MYT1: variants seen among roughly 807,000 people sequenced by gnomAD.
MYT1 encodes myelin transcription factor I.
Under a neutral mutation model 123.0 loss-of-function variants are expected in MYT1, and 23 were observed. That is an observed-to-expected ratio of 0.19 (90% confidence interval 0.13 to 0.26). The LOEUF is 0.26. Among genes scored for constraint, MYT1 ranks in the 10% least tolerant of loss-of-function variants. The pLI is 1.00. For missense variants in MYT1, 1,125 were observed against 1,472.5 expected, an observed-to-expected ratio of 0.76 and a Z score of 3.86; for synonymous variants, 518 against 575.3, an observed-to-expected ratio of 0.90 and a Z score of 1.43.
At chr20:64,209,206 G>A (rs1271098101) in intron 7 of MYT1, among the ~76,000 whole-genome samples, 3 of 152,106 alleles carry the variant, frequency 2.0e-5, no homozygotes, top group Non-Finnish European at 4.4e-5. Flanking sequence ...TGAGTAAACG[G>A]TTACGGCCTT....
rs568576971 is a variant in MYT1 at position 64,178,000 on chromosome 20, A to G, written c.-98-12063A>G. Among the ~76,000 whole-genome samples, 3 of 152,162 alleles carry G rather than the reference A, an allele frequency of 2.0e-5. No individual in the cohort carries two copies. In the East Asian group the frequency reaches 5.8e-4, roughly 30 times the overall value. On this transcript the variant is annotated intron_variant, in intron 1 of 22. Coordinates refer to ENST00000328439, the MANE Select transcript of MYT1 (RefSeq NM_004535.3). Reference sequence around the variant, plus strand: ...GGAAGCAGACTTGGCTGAGCACATCATGGACTTCAGGGTCTTCCAGGAGCA... The same window carrying G: ...GGAAGCAGACTTGGCTGAGCACATCGTGGACTTCAGGGTCTTCCAGGAGCA...
At position 64,196,837 on chromosome 20, in the gene MYT1, C is replaced by A. The variant is rs572983028; in HGVS notation, c.1-2025C>A. On this transcript the variant is annotated intron_variant, in intron 2 of 22. Coordinates refer to ENST00000328439, the MANE Select transcript of MYT1 (RefSeq NM_004535.3). The surrounding 1 kb of genome is among the most constrained non-coding windows in gnomAD (Gnocchi z 4.3). The stretch of plus-strand genomic sequence containing the variant: ...GCAGGAAATCCAAATTGCCAAGGCA[C>A]GCTTTAACCTAGCAGAATGCTTGCC... Among the ~76,000 whole-genome samples the A allele has an allele frequency of 6.6e-6, 1 of 152,208 alleles. No homozygotes were observed. The highest frequency in any genetic ancestry group is 2.4e-5 in the African/African-American group (1 of 41,446).
Position 64,205,630 on chromosome 20 carries a change from C to T in MYT1, c.227C>T (p.Ser76Leu), listed in dbSNP as rs746831729. 6.2e-7 allele frequency: 1 copy of T among 1,614,196 alleles called. No individual in the cohort carries two copies. The highest frequency in any genetic ancestry group is 8.5e-7 in the Non-Finnish European group (1 of 1,180,036). The stretch of plus-strand genomic sequence containing the variant: ...GAGCACCTGGTGTCCAAGAGGAAGT[C>T]ACACCCCCTGAAGCTGGCTCTGGAC... ...EAEHLVSKRKSHPLKLALDEG... is the reference protein window; with the variant it reads ...EAEHLVSKRKLHPLKLALDEG... Residue 76 changes from serine (S) to leucine (L), a missense_variant, in exon 6 of 23, where the codon TCA becomes TTA. Coordinates refer to ENST00000328439, the MANE Select transcript of MYT1 (RefSeq NM_004535.3).
rs141023903 is a variant in MYT1 at position 64,208,061 on chromosome 20, G to A, written c.865G>A (p.Glu289Lys). The change falls in exon 7 of 23, where the codon GAG becomes AAG. Residue 289 changes from glutamate (E) to lysine (K), a missense_variant. Around this residue, in one of 4 missense-constraint regions of MYT1, gnomAD observed 406 missense variants for 432.2 expected, o/e 0.94. Coordinates refer to ENST00000328439, the MANE Select transcript of MYT1 (RefSeq NM_004535.3). The surrounding 1 kb of genome is among the most constrained non-coding windows in gnomAD (Gnocchi z 5.4). ...EEEEEEEEEE[E>K]EEEEEEEEEE... ...AGAGGAGGAGGAAGAGGAAGAGGAG[G>A]AGGAGGAAGAGGAAGAGGAGGAGGA... 4.6e-3 allele frequency: 7,316 copies of A among 1,605,052 alleles called. 33 individuals carry two copies. The highest frequency in any genetic ancestry group is 5.5e-3 in the Non-Finnish European group (6,499 of 1,176,522).
chr20:64,165,572 A>T (rs1982056699), intron 1 of MYT1, among the ~76,000 whole-genome samples: 1 of 152,068 alleles, frequency 6.6e-6, no homozygotes, highest in South Asian at 2.1e-4. Flanking sequence ...TTTGTGTTGG[A>T]GTGGTGGGTT....
Position 64,218,975 on chromosome 20 carries a change from C to T in MYT1, c.1911C>T (p.Ser637=), listed in dbSNP as rs202176080. ...HMAATAILNL[S]TRCWEMPENL... is the part of the protein sequence containing the mutation. ...CTGCCACTGCCATCCTGAACCTCTC[C>T]ACGCGCTGCTGGGAGATGCCTGAGA... Residue 637 remains serine (S), a synonymous_variant, in exon 12 of 23, where the codon TCC becomes TCT. Transcript: ENST00000328439. This position sits in a 1 kb window ranked among gnomAD's most constrained non-coding sequence, Gnocchi z 4.0. 512 of 1,613,758 alleles carry T rather than the reference C, an allele frequency of 3.2e-4. 2 individuals are homozygous for T. The highest frequency in any genetic ancestry group is 1.6e-4 in the Middle Eastern group (1 of 6,082).
chr20:64,232,422 C>T lies in MYT1; in HGVS notation c.2897+37C>T. 1 of 1,594,754 alleles carries T rather than the reference C, an allele frequency of 6.3e-7. No individual in the cohort carries two copies. On this transcript the variant is annotated intron_variant, in intron 19 of 22. Coordinates refer to ENST00000328439, the MANE Select transcript of MYT1 (RefSeq NM_004535.3). This position sits in a 1 kb window ranked among gnomAD's most constrained non-coding sequence, Gnocchi z 6.9. ...TGCAGGTCCTGCCCCTCTGTGCAGT[C>T]AGTAGGGACCCTCGCCTGGGGCCTG...
At chr20:64,184,977 G>T (rs1982756806) in intron 1 of MYT1, among the ~76,000 whole-genome samples, 1 of 152,234 alleles carries the variant, frequency 6.6e-6, no homozygotes, top group African/African-American at 2.4e-5. Flanking sequence ...GTGATGTCTA[G>T]TGGGCCCTCA....
intron 17 of MYT1, 45 bp downstream of exon 17, chr20:64,227,522 G>A (rs774892815): frequency 6.4e-7 from 1 of 1,561,930 alleles, no homozygotes; most frequent in Non-Finnish European, 8.8e-7. Context: ...GGGGTGGGCA[G>A]GGAGTCTCTT....
chr20:64,223,060 G>C (rs1984057408), intron 14 of MYT1, 51 bp from the exon 15 acceptor site: 2 of 1,606,296 alleles, frequency 1.2e-6, no homozygotes, highest in Non-Finnish European at 1.7e-6. Context: ...CTCAGCCTGG[G>C]GGGCAGGTAC....
chr20:64,232,427 G>GGGA lies in MYT1; in HGVS notation c.2897+43_2897+45dup, dbSNP rs1316705835. 6.3e-7 allele frequency: 1 copy of GGGA among 1,593,988 alleles called. No individual in the cohort carries two copies. Among genetic ancestry groups the GGGA allele is most frequent in the Admixed American group, 1.7e-5 (1 of 59,772 alleles). ...GTCCTGCCCCTCTGTGCAGTCAGTA[G>GGGA]GGACCCTCGCCTGGGGCCTGGGGCT... is the stretch of plus-strand genomic sequence containing the variant. On this transcript the variant is annotated intron_variant, in intron 19 of 22. Coordinates refer to ENST00000328439, the MANE Select transcript of MYT1 (RefSeq NM_004535.3). The surrounding 1 kb of genome is among the most constrained non-coding windows in gnomAD (Gnocchi z 6.9).
chr20:64,235,190 C>T (rs1372361909), intron 19 of MYT1, among the ~76,000 whole-genome samples: 1 of 104,752 alleles, frequency 9.5e-6, no homozygotes, highest in Admixed American at 9.0e-5. Context: ...CGGGGCTGGC[C>T]GTGGTATGTG....
At chr20:64,233,632 A>C (rs1174384668) in intron 19 of MYT1, among the ~76,000 whole-genome samples, 3 of 150,706 alleles carry the variant, frequency 2.0e-5, no homozygotes, top group Admixed American at 6.6e-5. Context: ...TGTAGAGTGC[A>C]TTTTGGGCAG....
Position 64,240,347 on chromosome 20 carries a change from G to T in MYT1, c.3265G>T (p.Ala1089Ser), listed in dbSNP as rs1984679811. The part of the protein sequence containing the change: ...MEPICEQNFD[A>S]YVSTLTDMYS... ...GCCAATATGCGAACAGAATTTCGATGCCTATGTGAGCACCCTCACCGACAT... is the reference window on the plus strand; with the variant it reads ...GCCAATATGCGAACAGAATTTCGATTCCTATGTGAGCACCCTCACCGACAT... Residue 1089 changes from alanine to serine, a missense_variant, in exon 23 of 23, where the codon GCC becomes TCC. Ala to Ser is a moderately conservative substitution (Grantham distance 99). Transcript: ENST00000328439. The T allele has an allele frequency of 2.5e-6, 4 of 1,613,936 alleles. No homozygotes were observed. Among genetic ancestry groups the T allele is most frequent in the Non-Finnish European group, 3.4e-6 (4 of 1,180,020 alleles).
Position 64,181,780 on chromosome 20 carries a change from C to T in MYT1, c.-98-8283C>T, listed in dbSNP as rs117547003. Among the ~76,000 whole-genome samples, 671 of 152,330 alleles carry T rather than the reference C, an allele frequency of 4.4e-3. 6 individuals are homozygous for T. Among genetic ancestry groups the T allele is most frequent in the Non-Finnish European group, 6.6e-3 (449 of 68,022 alleles). On this transcript the variant is annotated intron_variant, in intron 1 of 22. Transcript: ENST00000328439. ...GAGCACCCTGGCAGTTCTCAGACTG[C>T]GGTGGGGACCTCGCTTTGAACTTTG...
chr20:64,235,691 T>TGGTGGGTGAC (rs1984502966), intron 19 of MYT1, among the ~76,000 whole-genome samples: 1 of 128,106 alleles, frequency 7.8e-6, no homozygotes, highest in Non-Finnish European at 1.6e-5. Context: ...GGGCTGGTGG[T>TGGTGGGTGAC]GGTGGGTGAC....
At chr20:64,207,493 G>A in intron 6 of MYT1, 101 bp from the exon 7 acceptor site, 1 of 1,529,278 alleles carries the variant, frequency 6.5e-7, no homozygotes, top group Admixed American at 2.1e-5. Context: ...TAAAGAGTGA[G>A]TGGTAGGTCA....
At chr20:64,184,071 C>CAGTCTCCCAAGCAG (rs1982730207) in intron 1 of MYT1, among the ~76,000 whole-genome samples, 1 of 152,172 alleles carries the variant, frequency 6.6e-6, no homozygotes, top group South Asian at 2.1e-4. Context: ...CTGCTTGCCT[C>CAGTCTCCCAAGCAG]AGTCTCCCAA....
In MYT1 at chr20:64,207,997, G is replaced by A. The variant is rs1235094661; in HGVS notation, c.801G>A (p.Glu267=). ...AGGAGGACGAGGAGGAGGAGGAGGA[G>A]GAAGAGGAGGAGGAGGAGGATGAAG... ...HEEEDEEEEE[E]EEEEEEDEEE... Residue 267 remains glutamate (E), a synonymous_variant, in exon 7 of 23, where the codon GAG becomes GAA. Coordinates refer to ENST00000328439, the MANE Select transcript of MYT1 (RefSeq NM_004535.3). The A allele has an allele frequency of 4.5e-6, 7 of 1,570,304 alleles. No individual in the cohort carries two copies. Among genetic ancestry groups the A allele is most frequent in the African/African-American group, 1.4e-5 (1 of 73,442 alleles).
Sources: allele counts gnomAD v4.1 joint callset (sites outside exome capture counted in the v4.1 genomes callset), GRCh38; gene constraint gnomAD v4.1.1; regional missense constraint gnomAD v4.1.1; non-coding constraint Gnocchi (gnomAD v3.1); transcripts MANE v1.5; gene names NCBI Gene and HGNC (gene_info 2026-07-23, HGNC 2026-07-21).